The following DHFR2 variants were observed in gnomAD, a reference collection of about 807,000 sequenced individuals.
DHFR2 encodes the protein dihydrofolate reductase 2.
In DHFR2, 11 loss-of-function variants were observed where a neutral mutation model predicts 12.0. That is an observed-to-expected ratio of 0.92 (90% CI 0.58 to 1.52). The LOEUF is 1.52. DHFR2 is among the 40% of genes most tolerant of loss of function. The pLI is 0.00. For missense variants in DHFR2, 188 were observed against 221.2 expected (o/e 0.85, Z 0.95); for synonymous variants, 87 against 79.6 (o/e 1.09, Z -0.49).
At chr3:94,061,666 GA>G in intron 1 of DHFR2, 60 bp from the exon 2 acceptor site, 1 of 1,057,226 alleles carries the variant, frequency 9.5e-7, no homozygotes, top group Non-Finnish European at 1.2e-6. Flanking sequence ...AATGAACATA[GA>G]AAAATAAATT....
Position 94,058,219 on chromosome 3 carries a change from A to G in DHFR2, c.*2729T>C, listed in dbSNP as rs34861326. The G allele has an allele frequency of 9.2e-5, 14 of 152,300 alleles. No individual in the cohort carries two copies. The highest frequency in any genetic ancestry group is 3.4e-4 in the African/African-American group (14 of 41,574). The allele number at this position is 152,300 out of a possible 1,614,324, so 9.4% of individuals were successfully genotyped here. ...CGACTTGTTCTTTCCAGAGGAAAGC[A>G]CTTTTCATTCTCTTAGTTTTTCCTT... On this transcript the variant is annotated 3_prime_UTR_variant, in exon 2 of 2. Coordinates refer to ENST00000314636, the MANE Select transcript of DHFR2 (RefSeq NM_176815.5).
At chr3:94,063,161 G>A, upstream of DHFR2, 2 of 1,613,708 alleles carry the variant, frequency 1.2e-6, no homozygotes, top group African/African-American at 1.3e-5. Context: ...GCCCGGCTGG[G>A]TACCTCTATC....
rs979133158 is a variant in DHFR2, at chr3:94,062,784, G to A, written c.-134C>T. The A allele has an allele frequency of 1.6e-4, 52 of 323,810 alleles. No individual in the cohort carries two copies. Among genetic ancestry groups the A allele is most frequent in the Non-Finnish European group, 2.5e-4 (43 of 170,224 alleles). 20.1% of individuals were successfully genotyped at this position (323,810 alleles called of 1,614,324 possible). On this transcript the variant is annotated 5_prime_UTR_variant, in exon 1 of 2. Transcript: ENST00000314636. Reference sequence around the variant, plus strand: ...GAAGCAGGGGCCGCACAGGCGCGCAGATGTGTGACTTTCTAAGGTCCGGCC... The same window carrying A: ...GAAGCAGGGGCCGCACAGGCGCGCAAATGTGTGACTTTCTAAGGTCCGGCC...
Position 94,060,821 on chromosome 3 carries a change from TA to T in DHFR2, c.*126del. On this transcript the variant is annotated 3_prime_UTR_variant, in exon 2 of 2. Transcript: ENST00000314636. Reference sequence around the variant, plus strand: ...TGATATAGCCAAGATTAGTGAGGAATAAAAACACGTTGCTTAGAAATAATTA... The same window carrying T: ...TGATATAGCCAAGATTAGTGAGGAATAAAACACGTTGCTTAGAAATAATTA... The T allele has an allele frequency of 1.8e-6, 2 of 1,096,506 alleles. No individual in the cohort carries two copies. The highest frequency in any genetic ancestry group is 2.6e-6 in the Non-Finnish European group (2 of 775,762). The allele number at this position is 1,096,506 out of a possible 1,614,324, so 67.9% of individuals were successfully genotyped here. A position where few individuals can be genotyped will look rare whatever the true frequency, so the allele number is the denominator to read the frequency against.
At chr3:94,062,210 T>C (rs1439836447) in intron 1 of DHFR2, among the ~76,000 whole-genome samples, 1 of 152,172 alleles carries the variant, frequency 6.6e-6, no homozygotes, top group Non-Finnish European at 1.5e-5. Context: ...TAAAGGTGAA[T>C]TGGGGAGGCT....
rs1451352133 is a variant in DHFR2, at chr3:94,060,039, A to G, written c.*909T>C. ...TCCATTGCACTCCGCCTGGGCAACAAGAGTGAAATTCTGTCTTAAAAAGAA... is the reference window on the plus strand; with the variant it reads ...TCCATTGCACTCCGCCTGGGCAACAGGAGTGAAATTCTGTCTTAAAAAGAA... On this transcript the variant is annotated 3_prime_UTR_variant, in exon 2 of 2. Coordinates refer to ENST00000314636, the MANE Select transcript of DHFR2 (RefSeq NM_176815.5). 1 of 151,796 alleles carries G rather than the reference A, an allele frequency of 6.6e-6. No homozygotes were observed. The highest frequency in any genetic ancestry group is 1.9e-4 in the East Asian group (1 of 5,186). 9.4% of individuals were successfully genotyped at this position (151,796 alleles called of 1,614,324 possible). A position where few individuals can be genotyped will look rare whatever the true frequency, so the allele number is the denominator to read the frequency against.
upstream of DHFR2, chr3:94,063,254 C>G: frequency 9.9e-7 from 1 of 1,013,916 alleles, no homozygotes; most frequent in East Asian, 2.4e-5. Context: ...CGTCCCCTCG[C>G]GAGATCAGCG....
At position 94,060,079 on chromosome 3, in the gene DHFR2, A is replaced by C. The variant is rs912507223; in HGVS notation, c.*869T>G. On this transcript the variant is annotated 3_prime_UTR_variant, in exon 2 of 2. Coordinates refer to ENST00000314636, the MANE Select transcript of DHFR2 (RefSeq NM_176815.5). ...CTTAAAAAGAAAAAAAAAAAAAAGT[A>C]TGAAGAGTTTACATACTTAAACATG... The C allele has an allele frequency of 3.3e-5, 5 of 151,994 alleles. No homozygotes were observed. The highest frequency in any genetic ancestry group is 1.2e-4 in the African/African-American group (5 of 41,480). 9.4% of individuals were successfully genotyped at this position (151,994 alleles called of 1,614,324 possible). A position where few individuals can be genotyped will look rare whatever the true frequency, so the allele number is the denominator to read the frequency against.
At position 94,060,817 on chromosome 3, in the gene DHFR2, G is replaced by T; in HGVS notation, c.*131C>A. 1 of 1,031,354 alleles carries T rather than the reference G, an allele frequency of 9.7e-7. No homozygotes were observed. The highest frequency in any genetic ancestry group is 1.4e-6 in the Non-Finnish European group (1 of 718,164). 63.9% of individuals were successfully genotyped at this position (1,031,354 alleles called of 1,614,324 possible). On this transcript the variant is annotated 3_prime_UTR_variant, in exon 2 of 2. Coordinates refer to ENST00000314636, the MANE Select transcript of DHFR2 (RefSeq NM_176815.5). ...TATCTGATATAGCCAAGATTAGTGA[G>T]GAATAAAAACACGTTGCTTAGAAAT... is the stretch of plus-strand genomic sequence containing the variant.
chr3:94,063,120 C>G (rs750557588), upstream of DHFR2: 1 of 1,613,944 alleles, frequency 6.2e-7, no homozygotes, highest in Non-Finnish European at 8.5e-7. Context: ...AAGCTCTCAG[C>G]GGGACAATGC....
chr3:94,063,048 G>A, upstream of DHFR2: 1 of 1,527,794 alleles, frequency 6.5e-7, no homozygotes. Context: ...CCGGAAGTCA[G>A]ACTGTTTTTT....
chr3:94,062,990 G>C (rs1272321633), upstream of DHFR2: 2 of 931,168 alleles, frequency 2.1e-6, no homozygotes, highest in African/African-American at 1.6e-5. Flanking sequence ...AGTATCTCGC[G>C]AGAAATTGAA....
chr3:94,058,229 C>G lies in DHFR2; in HGVS notation c.*2719G>C, dbSNP rs751334097. 2.0e-5 allele frequency: 3 copies of G among 152,094 alleles called. No individual in the cohort carries two copies. The highest frequency in any genetic ancestry group is 4.4e-5 in the Non-Finnish European group (3 of 67,998). 9.4% of individuals were successfully genotyped at this position (152,094 alleles called of 1,614,324 possible). A position where few individuals can be genotyped will look rare whatever the true frequency, so the allele number is the denominator to read the frequency against. ...TTTCCAGAGGAAAGCACTTTTCATT[C>G]TCTTAGTTTTTCCTTCTGGTAGTTA... On this transcript the variant is annotated 3_prime_UTR_variant, in exon 2 of 2. Coordinates refer to ENST00000314636, the MANE Select transcript of DHFR2 (RefSeq NM_176815.5).
Position 94,058,653 on chromosome 3 carries a change from C to G in DHFR2, c.*2295G>C, listed in dbSNP as rs1009576814. On this transcript the variant is annotated 3_prime_UTR_variant, in exon 2 of 2. Coordinates refer to ENST00000314636, the MANE Select transcript of DHFR2 (RefSeq NM_176815.5). ...TTGTTGAGAAAAACAGCGTATGATG[C>G]TCTTACTTCCTATCCTGTACTTCTT... 6.5e-6 allele frequency: 1 copy of G among 153,388 alleles called. No individual in the cohort carries two copies. Among genetic ancestry groups the G allele is most frequent in the African/African-American group, 2.4e-5 (1 of 41,400 alleles). 9.5% of individuals were successfully genotyped at this position (153,388 alleles called of 1,614,324 possible). A position where few individuals can be genotyped will look rare whatever the true frequency, so the allele number is the denominator to read the frequency against.
rs1051405289 is a variant in DHFR2 at position 94,058,210 on chromosome 3, G to A, written c.*2738C>T. 2.0e-5 allele frequency: 3 copies of A among 152,124 alleles called. No homozygotes were observed. The highest frequency in any genetic ancestry group is 7.2e-5 in the African/African-American group (3 of 41,426). 9.4% of individuals were successfully genotyped at this position (152,124 alleles called of 1,614,324 possible). A position where few individuals can be genotyped will look rare whatever the true frequency, so the allele number is the denominator to read the frequency against. ...ACAGTCCTGCGACTTGTTCTTTCCA[G>A]AGGAAAGCACTTTTCATTCTCTTAG... On this transcript the variant is annotated 3_prime_UTR_variant, in exon 2 of 2. Coordinates refer to ENST00000314636, the MANE Select transcript of DHFR2 (RefSeq NM_176815.5).
chr3:94,061,347 C>T lies in DHFR2; in HGVS notation c.165G>A (p.Arg55=). 6.2e-7 allele frequency: 1 copy of T among 1,614,138 alleles called. No individual in the cohort carries two copies. Residue 55 remains arginine (R), a synonymous_variant, in exon 2 of 2, where the codon AGG becomes AGA. Transcript: ENST00000314636. ...TCTCAGGAATGGAGAACCAGGTCTT[C>T]CTACCCATAATCACCAGATTCTGTT... ...EGKQNLVIMG[R]KTWFSIPEKN... is the part of the protein sequence containing the mutation.
chr3:94,063,029 C>T (rs896131082), upstream of DHFR2: 6 of 1,341,712 alleles, frequency 4.5e-6, no homozygotes, highest in Non-Finnish European at 5.3e-6. Context: ...AAGTGGATGC[C>T]CGCGAATCCC....
At position 94,061,089 on chromosome 3, in the gene DHFR2, C is replaced by T; in HGVS notation, c.423G>A (p.Gln141=). ...HLKLFVTRIM[Q]DFESDTFFSE... is the part of the protein sequence containing the mutation. ...AAAAAAACGTGTCACTTTCAAAGTC[C>T]TGCATGATCCTTGTCACAAATAGTT... The change falls in exon 2 of 2, where the codon CAG becomes CAA. Residue 141 remains glutamine, a synonymous_variant. Transcript: ENST00000314636. 1 of 1,613,936 alleles carries T rather than the reference C, an allele frequency of 6.2e-7. No homozygotes were observed. The highest frequency in any genetic ancestry group is 8.5e-7 in the Non-Finnish European group (1 of 1,179,868).
In DHFR2 at chr3:94,061,621, C is replaced by G. The variant is rs201424034; in HGVS notation, c.-95-15G>C. The G allele has an allele frequency of 2.6e-6, 4 of 1,526,250 alleles. No individual in the cohort carries two copies. In the East Asian group the frequency reaches 9.2e-5, roughly 35 times the overall value. The allele number at this position is 1,526,250 out of a possible 1,614,324, so 94.5% of individuals were successfully genotyped here. A position where few individuals can be genotyped will look rare whatever the true frequency, so the allele number is the denominator to read the frequency against. ...TTTTTACGTGCCTACATTGCAAATA[C>G]AATACCACTGTATTAATTAATTGCA... is the stretch of plus-strand genomic sequence containing the variant. On this transcript the variant is annotated splice_polypyrimidine_tract_variant and intron_variant, in intron 1 of 1. Coordinates refer to ENST00000314636, the MANE Select transcript of DHFR2 (RefSeq NM_176815.5).
Sources: allele counts gnomAD v4.1 joint callset (sites outside exome capture counted in the v4.1 genomes callset), GRCh38; gene constraint gnomAD v4.1.1; transcripts MANE v1.5; gene names NCBI Gene and HGNC (gene_info 2026-07-23, HGNC 2026-07-21).